Variants in CNOT4 observed in about 807,000 individuals in gnomAD.
CNOT4 encodes CCR4-associated factor 4.
CNOT4 carries 8 observed loss-of-function variants against 73.8 expected under a neutral mutation model. That is an observed-to-expected ratio of 0.11 (90% CI 0.06 to 0.20). The LOEUF (loss-of-function observed/expected upper bound fraction) is 0.20. CNOT4 is among the 10% of genes least tolerant of loss of function. The probability of loss-of-function intolerance (pLI) is 1.00; values close to 1 mark genes in which losing one functional copy is unlikely to be tolerated. For synonymous variants in CNOT4, 293 were observed against 321.1 expected, an observed-to-expected ratio of 0.91 and a Z score of 0.94; for missense variants, 564 against 883.4, an observed-to-expected ratio of 0.64 and a Z score of 4.58.
At chr7:135,474,892 T>G (rs73158947) in intron 1 of CNOT4, among the ~76,000 whole-genome samples, 25,264 of 152,098 alleles carry the variant, frequency 0.17, 2,520 homozygotes, top group Non-Finnish European at 0.22. Context: ...GCAAAAACCA[T>G]AATGATGGTA....
chr7:135,414,406 G>C lies in CNOT4; in HGVS notation c.486C>G (p.Thr162=). 6.5e-7 allele frequency: 1 copy of C among 1,544,446 alleles called. No individual in the cohort carries two copies. The highest frequency in any genetic ancestry group is 1.4e-5 in the African/African-American group (1 of 73,404). The change falls in exon 5 of 12, where the codon ACC becomes ACG. Residue 162 remains threonine, a synonymous_variant. Coordinates refer to ENST00000541284, the MANE Select transcript of CNOT4 (RefSeq NM_001190850.2). ...SQGPSASAYV[T]YIRSEDALRA... is the part of the protein sequence containing the mutation. Reference sequence around the variant, plus strand: ...TGAGAGCGTCTTCTGACCGGATATAGGTTACATAAGCACTGGCACTTGGAC... The same window carrying C: ...TGAGAGCGTCTTCTGACCGGATATACGTTACATAAGCACTGGCACTTGGAC...
intron 10 of CNOT4, chr7:135,387,844 T>A (rs186355055): frequency 2.2e-5 from 22 of 978,664 alleles, no homozygotes; most frequent in Non-Finnish European, 2.7e-5. Context: ...TTAGGTGGCC[T>A]AATTTTAGAG....
intron 3 of CNOT4, among the ~76,000 whole-genome samples, chr7:135,416,925 T>G (rs1232081213): frequency 1.3e-5 from 2 of 152,162 alleles, no homozygotes; most frequent in Non-Finnish European, 2.9e-5. Context: ...CTGCAAGACA[T>G]GCCTGAAGCT....
intron 1 of CNOT4, among the ~76,000 whole-genome samples, chr7:135,443,481 A>G (rs535461098): frequency 6.6e-6 from 1 of 152,298 alleles, no homozygotes; most frequent in Non-Finnish European, 1.5e-5. Context: ...CAAAAACAGG[A>G]CCCAACTTCA....
rs146034733 is a variant in CNOT4, at chr7:135,497,662, T to C, written c.-93+12227A>G. Among the ~76,000 whole-genome samples the C allele has an allele frequency of 3.2e-3, 491 of 152,314 alleles. 3 individuals carry two copies. Among genetic ancestry groups the C allele is most frequent in the African/African-American group, 0.011 (463 of 41,572 alleles). ...TGACTTAAAAACAACAATAACAACCTTGCAATGATTCCCCTCTTATCAGCA... is the reference window on the plus strand; with the variant it reads ...TGACTTAAAAACAACAATAACAACCCTGCAATGATTCCCCTCTTATCAGCA... On this transcript the variant is annotated intron_variant, in intron 1 of 11. Transcript: ENST00000541284.
intron 1 of CNOT4, among the ~76,000 whole-genome samples, chr7:135,468,812 A>G (rs7784791): frequency 5.9e-5 from 9 of 152,216 alleles, no homozygotes; most frequent in African/African-American, 2.2e-4. Flanking sequence ...GTCAGAATCA[A>G]TTCAAACCCT....
chr7:135,475,711 A>T (rs954409494), intron 1 of CNOT4, among the ~76,000 whole-genome samples: 2 of 152,150 alleles, frequency 1.3e-5, no homozygotes, highest in African/African-American at 4.8e-5. Context: ...GTAATTTGAG[A>T]CCAGCCAGGC....
chr7:135,372,912 T>TG lies in CNOT4; in HGVS notation c.1628-8847dup, dbSNP rs545845580. On this transcript the variant is annotated intron_variant, in intron 10 of 11. Coordinates refer to ENST00000541284, the MANE Select transcript of CNOT4 (RefSeq NM_001190850.2). ...AAAAAAAGATCGGGAAAAGGATGGG[T>TG]GGGAGTGGTCCCATGGTTATAGAGA... Among the ~76,000 whole-genome samples, 368 of 152,268 alleles carry TG rather than the reference T, an allele frequency of 2.4e-3. 1 individual carries two copies. The highest frequency in any genetic ancestry group is 8.5e-3 in the African/African-American group (354 of 41,562).
intron 1 of CNOT4, among the ~76,000 whole-genome samples, chr7:135,460,854 C>T (rs1229784607): frequency 2.6e-5 from 4 of 152,146 alleles, no homozygotes; most frequent in African/African-American, 4.8e-5. Flanking sequence ...TTGCCTGAAA[C>T]GGTTCTATGT....
At chr7:135,468,709 A>C (rs1801387199) in intron 1 of CNOT4, among the ~76,000 whole-genome samples, 1 of 151,102 alleles carries the variant, frequency 6.6e-6, no homozygotes, top group African/African-American at 2.4e-5. Flanking sequence ...AAAAATTTAC[A>C]CATCTATTCC....
intron 6 of CNOT4, among the ~76,000 whole-genome samples, chr7:135,410,976 T>C (rs2129484063): frequency 6.6e-6 from 1 of 151,974 alleles, no homozygotes; most frequent in East Asian, 1.9e-4. Flanking sequence ...GCTCAAAAAG[T>C]GTAAGGTCCA....
intron 1 of CNOT4, among the ~76,000 whole-genome samples, chr7:135,471,086 G>C (rs1036624765): frequency 6.6e-6 from 1 of 152,142 alleles, no homozygotes; most frequent in Non-Finnish European, 1.5e-5. Context: ...TCCACTATTC[G>C]GCTGGTGGTG....
intron 10 of CNOT4, among the ~76,000 whole-genome samples, chr7:135,385,955 G>A (rs531788870): frequency 1.3e-5 from 2 of 152,060 alleles, no homozygotes; most frequent in Admixed American, 6.6e-5. Context: ...TAAGGGGAGA[G>A]TACACAAAAG....
intron 1 of CNOT4, among the ~76,000 whole-genome samples, chr7:135,447,274 A>C (rs1470004139): frequency 1.3e-5 from 2 of 152,220 alleles, no homozygotes; most frequent in African/African-American, 4.8e-5. Context: ...ACAGTGTGCT[A>C]AGTGAAAAAG....
intron 2 of CNOT4, among the ~76,000 whole-genome samples, chr7:135,424,994 G>A (rs558169278): frequency 1.7e-3 from 257 of 152,212 alleles, no homozygotes; most frequent in Non-Finnish European, 3.0e-3. Context: ...TGAGATAAGC[G>A]TTCAGAAACT....
chr7:135,484,699 G>A (rs1310982406), intron 1 of CNOT4, among the ~76,000 whole-genome samples: 1 of 150,652 alleles, frequency 6.6e-6, no homozygotes, highest in South Asian at 2.1e-4. Context: ...AGGTTGCAGT[G>A]AGTCGAGATT....
intron 1 of CNOT4, among the ~76,000 whole-genome samples, chr7:135,452,983 T>C (rs7780345): frequency 0.074 from 11,276 of 152,276 alleles, 491 homozygotes; most frequent in Middle Eastern, 0.13. Flanking sequence ...AGGAATTGCC[T>C]ATATCAATTT....
chr7:135,364,979 T>C lies in CNOT4; in HGVS notation c.1628-913A>G, dbSNP rs1232918048. ...TAGATAGTTGTTTTATTTTTGAAAATAGCAATGTAAGTCAAATTACAAACT... is the reference window on the plus strand; with the variant it reads ...TAGATAGTTGTTTTATTTTTGAAAACAGCAATGTAAGTCAAATTACAAACT... On this transcript the variant is annotated intron_variant, in intron 10 of 11. Transcript: ENST00000541284. This position sits in a 1 kb window ranked among gnomAD's most constrained non-coding sequence, Gnocchi z 4.3. 6.6e-6 allele frequency among the ~76,000 whole-genome samples: 1 copy of C among 152,176 alleles called. No homozygotes were observed. Among genetic ancestry groups the C allele is most frequent in the African/African-American group, 2.4e-5 (1 of 41,430 alleles).
In CNOT4 at chr7:135,375,752, G is replaced by A. The variant is rs957630512; in HGVS notation, c.1628-11686C>T. Among the ~76,000 whole-genome samples the A allele has an allele frequency of 5.3e-5, 8 of 152,210 alleles. No individual in the cohort carries two copies. In the East Asian group the frequency reaches 1.2e-3, roughly 22 times the overall value. ...AGCCTGGCCAACATAGAGAAACCCC[G>A]TCTCTGCTAAAAAATACAAAAAATT... is the stretch of plus-strand genomic sequence containing the variant. On this transcript the variant is annotated intron_variant, in intron 10 of 11. Coordinates refer to ENST00000541284, the MANE Select transcript of CNOT4 (RefSeq NM_001190850.2).
Sources: allele counts gnomAD v4.1 joint callset (sites outside exome capture counted in the v4.1 genomes callset), GRCh38; gene constraint gnomAD v4.1.1; non-coding constraint Gnocchi (gnomAD v3.1); transcripts MANE v1.5; gene names NCBI Gene and HGNC (gene_info 2026-07-23, HGNC 2026-07-21).